The following PRR5L variants were observed in gnomAD, a reference collection of about 807,000 sequenced individuals.
PRR5L encodes the protein proline-rich protein 5-like.
A neutral mutation model predicts 36.4 loss-of-function variants in PRR5L; 21 were observed. The observed-to-expected ratio is 0.58, with a 90% confidence interval of 0.41 to 0.83. The LOEUF is 0.83. Ranked by LOEUF, PRR5L falls within the 40% of genes least tolerant of loss-of-function variation. PRR5L has a pLI of 0.00. For synonymous variants in PRR5L, 188 were observed against 197.0 expected (o/e 0.95, Z 0.38); for missense variants, 381 against 473.3 (o/e 0.80, Z 1.81).
At chr11:36,406,993 C>T (rs553021769) in intron 3 of PRR5L, among the ~76,000 whole-genome samples, 7 of 152,324 alleles carry the variant, frequency 4.6e-5, no homozygotes, top group African/African-American at 1.4e-4. Flanking sequence ...GCACTAACCT[C>T]ATGGTCATTG....
intron 3 of PRR5L, among the ~76,000 whole-genome samples, chr11:36,418,403 A>C (rs1858191817): frequency 6.6e-6 from 1 of 152,118 alleles, no homozygotes; most frequent in South Asian, 2.1e-4. Flanking sequence ...ATGGGAAAAG[A>C]TGTTGAATTT....
At chr11:36,391,584 G>A (rs1043955617) in intron 1 of PRR5L, among the ~76,000 whole-genome samples, 1 of 152,050 alleles carries the variant, frequency 6.6e-6, no homozygotes, top group Non-Finnish European at 1.5e-5. Context: ...CTTTTGAAGG[G>A]GATTTTTCTT....
At chr11:36,315,146 GT>G (rs1313344264) in intron 1 of PRR5L, among the ~76,000 whole-genome samples, 1 of 152,210 alleles carries the variant, frequency 6.6e-6, no homozygotes, top group Non-Finnish European at 1.5e-5. Context: ...ACTTTTGCAA[GT>G]TACTTAATCA....
Position 36,344,484 on chromosome 11 carries a change from G to T in PRR5L, c.-126+48046G>T, listed in dbSNP as rs1440360229. On this transcript the variant is annotated intron_variant, in intron 1 of 8. Coordinates refer to ENST00000530639, the MANE Select transcript of PRR5L (RefSeq NM_001160167.2). This position sits in a 1 kb window ranked among gnomAD's most constrained non-coding sequence, Gnocchi z 4.1. ...TAATGTTCCATTCTATGGCTATATT[G>T]TACCACCTGTTTTGGACATTAACTT... 1.3e-5 allele frequency among the ~76,000 whole-genome samples: 2 copies of T among 152,006 alleles called. No individual in the cohort carries two copies. Among genetic ancestry groups the T allele is most frequent in the Non-Finnish European group, 2.9e-5 (2 of 68,000 alleles).
chr11:36,372,179 G>T (rs1320328136), intron 1 of PRR5L, among the ~76,000 whole-genome samples: 1 of 152,196 alleles, frequency 6.6e-6, no homozygotes, highest in African/African-American at 2.4e-5. Flanking sequence ...TGTGGACAGA[G>T]ATCTCTGTCC....
chr11:36,314,562 G>C (rs1856536402), intron 1 of PRR5L, among the ~76,000 whole-genome samples: 1 of 152,202 alleles, frequency 6.6e-6, no homozygotes, highest in Admixed American at 6.5e-5. Context: ...GGTTCCCCTT[G>C]ATGCCCTTTG....
chr11:36,355,475 C>T (rs992027179), intron 1 of PRR5L, among the ~76,000 whole-genome samples: 3 of 151,784 alleles, frequency 2.0e-5, no homozygotes, highest in African/African-American at 7.3e-5. Context: ...TTAAGGGACC[C>T]AGTTAGTGAA....
chr11:36,390,559 G>A (rs998008142), intron 1 of PRR5L, among the ~76,000 whole-genome samples: 1 of 152,152 alleles, frequency 6.6e-6, no homozygotes, highest in East Asian at 1.9e-4. Flanking sequence ...ACCTCCATTT[G>A]CCTTTCTGTA....
At chr11:36,376,045 C>A in intron 1 of PRR5L, 2 of 745,224 alleles carry the variant, frequency 2.7e-6, no homozygotes, top group Non-Finnish European at 4.1e-6. Flanking sequence ...TGCAGATCTC[C>A]CGTTGTGTGA....
chr11:36,418,830 C>G (rs1323677652), intron 3 of PRR5L, among the ~76,000 whole-genome samples: 1 of 152,050 alleles, frequency 6.6e-6, no homozygotes, highest in Non-Finnish European at 1.5e-5. Flanking sequence ...TACTCCTACC[C>G]CACCCCACAT....
chr11:36,384,829 T>C (rs1430093461), intron 1 of PRR5L, among the ~76,000 whole-genome samples: 2 of 147,018 alleles, frequency 1.4e-5, no homozygotes, highest in African/African-American at 5.0e-5. Context: ...TGTACCACCA[T>C]GCCTGGCTTT....
intron 1 of PRR5L, among the ~76,000 whole-genome samples, chr11:36,314,893 G>A (rs1856539812): frequency 6.6e-6 from 1 of 152,182 alleles, no homozygotes; most frequent in African/African-American, 2.4e-5. Flanking sequence ...ACTGAAAAAT[G>A]AAGATAATGC....
chr11:36,312,971 G>T (rs527931435), intron 1 of PRR5L, among the ~76,000 whole-genome samples: 1 of 152,180 alleles, frequency 6.6e-6, no homozygotes, highest in Admixed American at 6.5e-5. Context: ...TGAGTGTGGG[G>T]GTCTCCAGAG....
chr11:36,350,311 G>A (rs909996361), intron 1 of PRR5L, among the ~76,000 whole-genome samples: 1 of 151,462 alleles, frequency 6.6e-6, no homozygotes, highest in Non-Finnish European at 1.5e-5. Context: ...GTGGGTGTGG[G>A]TGTGTGTGAA....
At chr11:36,409,266 C>A (rs964863651) in intron 3 of PRR5L, among the ~76,000 whole-genome samples, 1 of 152,162 alleles carries the variant, frequency 6.6e-6, no homozygotes, top group African/African-American at 2.4e-5. Context: ...GACTTTTTCT[C>A]GGCAGAAATA....
intron 1 of PRR5L, among the ~76,000 whole-genome samples, chr11:36,366,508 G>A (rs1857145456): frequency 6.6e-6 from 1 of 152,126 alleles, no homozygotes; most frequent in Admixed American, 6.5e-5. Context: ...GGAAGATTTT[G>A]AGTAAAATGA....
intron 3 of PRR5L, among the ~76,000 whole-genome samples, chr11:36,414,872 T>G (rs1858107474): frequency 7.0e-6 from 1 of 143,656 alleles, no homozygotes. Flanking sequence ...TTAATCCATC[T>G]TGAATTAATT....
intron 7 of PRR5L, among the ~76,000 whole-genome samples, chr11:36,449,114 T>C (rs1444357070): frequency 6.6e-6 from 1 of 152,212 alleles, no homozygotes; most frequent in African/African-American, 2.4e-5. Context: ...CCAGGAGCTC[T>C]AGAGCCTGGG....
intron 1 of PRR5L, among the ~76,000 whole-genome samples, chr11:36,379,050 G>A (rs1044210254): frequency 2.0e-5 from 3 of 152,072 alleles, no homozygotes; most frequent in Admixed American, 2.0e-4. Flanking sequence ...TTACAAATTG[G>A]CTCAGTTATT....
Sources: gnomAD v4.1 joint callset for allele counts (sites outside exome capture counted in the v4.1 genomes callset) on GRCh38, gnomAD v4.1.1 for gene constraint, Gnocchi (gnomAD v3.1) non-coding constraint, MANE v1.5 for transcripts, NCBI Gene and HGNC (gene_info 2026-07-23, HGNC 2026-07-21) for gene names.